CAPS2: variants seen among roughly 807,000 people sequenced by gnomAD.
The protein encoded by CAPS2 is calcyphosin-2.
A neutral mutation model predicts 86.5 loss-of-function variants in CAPS2; 98 were observed. The ratio of observed to expected loss-of-function variants is 1.13; its 90% CI spans 0.96 to 1.34. The LOEUF is 1.34. CAPS2 is among the 40% of genes most tolerant of loss of function. The pLI, the probability that CAPS2 is intolerant of heterozygous loss-of-function variation, is 0.00. For missense variants in CAPS2, 729 were observed against 686.8 expected, an observed-to-expected ratio of 1.06 and a Z score of -0.69; for synonymous variants, 210 against 225.1, an observed-to-expected ratio of 0.93 and a Z score of 0.60.
At chr12:75,336,862 T>C (rs1191012399) in intron 1 of CAPS2, among the ~76,000 whole-genome samples, 1 of 151,742 alleles carries the variant, frequency 6.6e-6, no homozygotes, top group Non-Finnish European at 1.5e-5. Context: ...ATATAAACAA[T>C]ATGCTGAACC....
At chr12:75,374,354 A>T (rs1457592942) in intron 1 of CAPS2, among the ~76,000 whole-genome samples, 2 of 152,192 alleles carry the variant, frequency 1.3e-5, no homozygotes, top group Non-Finnish European at 2.9e-5. Context: ...CCAAAATCCA[A>T]ATAGGCCCTC....
intron 1 of CAPS2, among the ~76,000 whole-genome samples, chr12:75,389,901 C>T (rs2045488748): frequency 1.3e-5 from 2 of 152,166 alleles, no homozygotes; most frequent in South Asian, 4.1e-4. Flanking sequence ...TTCTCAATCA[C>T]TTAAAACTTA....
chr12:75,276,160 A>G, downstream of CAPS2: 5 of 1,507,534 alleles, frequency 3.3e-6, no homozygotes, highest in Non-Finnish European at 3.5e-6. Context: ...TGCTTGGCTT[A>G]TTTTATATAT....
chr12:75,318,152 G>C (rs2039961481), intron 5 of CAPS2: 1 of 152,026 alleles, frequency 6.6e-6, no homozygotes, highest in Non-Finnish European at 1.5e-5. Context: ...GTCATTCTCG[G>C]TCTTCCCTTT....
intron 7 of CAPS2, chr12:75,305,608 G>A (rs1234058455): frequency 9.8e-6 from 6 of 610,360 alleles, no homozygotes; most frequent in African/African-American, 9.1e-5. Flanking sequence ...CCCAGGCCCC[G>A]AGCGACCGGA....
At chr12:75,323,999 T>G (rs1024142536) in intron 2 of CAPS2, among the ~76,000 whole-genome samples, 1 of 152,232 alleles carries the variant, frequency 6.6e-6, no homozygotes, top group Non-Finnish European at 1.5e-5. Flanking sequence ...AATATTTGGT[T>G]CATTTCTGAA....
intron 9 of CAPS2, 25 bp from the exon 10 acceptor site, chr12:75,298,991 C>T: frequency 7.0e-7 from 1 of 1,421,876 alleles, no homozygotes; most frequent in Non-Finnish European, 9.7e-7. Context: ...TGAAATCAAA[C>T]ATCTTCAAAT....
At chr12:75,353,423 T>C (rs771139538) in intron 1 of CAPS2, among the ~76,000 whole-genome samples, 1 of 152,036 alleles carries the variant, frequency 6.6e-6, no homozygotes, top group South Asian at 2.1e-4. Flanking sequence ...TGTAAACATA[T>C]GCCCTCCCAA....
At chr12:75,299,952 C>G (rs754678901) in intron 8 of CAPS2, 41 bp from the exon 9 acceptor site, 3 of 800,344 alleles carry the variant, frequency 3.7e-6, no homozygotes. Flanking sequence ...TTCAAGATAC[C>G]TATAACTTGA....
chr12:75,385,633 G>T (rs2045252915), intron 1 of CAPS2, among the ~76,000 whole-genome samples: 1 of 151,974 alleles, frequency 6.6e-6, no homozygotes, highest in Admixed American at 6.6e-5. Flanking sequence ...GAAAATAAAA[G>T]GTTTATAGAT....
intron 7 of CAPS2, among the ~76,000 whole-genome samples, chr12:75,308,020 C>T (rs948367795): frequency 6.6e-6 from 1 of 152,160 alleles, no homozygotes; most frequent in African/African-American, 2.4e-5. Flanking sequence ...CAACCACCCC[C>T]TTTTCCTGTG....
chr12:75,277,426 A>C (rs1302672831), exon 17 of CAPS2: 1 of 961,914 alleles, frequency 1.0e-6, no homozygotes, highest in Admixed American at 6.2e-5. Flanking sequence ...AAATTTTTCC[A>C]AGAAAAAGAT....
chr12:75,300,221 A>C (rs1351092493), intron 8 of CAPS2, among the ~76,000 whole-genome samples: 1 of 152,082 alleles, frequency 6.6e-6, no homozygotes, highest in Admixed American at 6.6e-5. Flanking sequence ...TCTGAATGCC[A>C]TTTCTAACCC....
intron 1 of CAPS2, among the ~76,000 whole-genome samples, chr12:75,354,790 CA>C (rs568865773): frequency 1.5e-3 from 223 of 152,198 alleles, no homozygotes; most frequent in African/African-American, 5.0e-3. Flanking sequence ...ACACACAGAC[CA>C]ATGGAACAGA....
At chr12:75,312,282 A>ACATC (rs2039315457) in intron 7 of CAPS2, among the ~76,000 whole-genome samples, 1 of 152,206 alleles carries the variant, frequency 6.6e-6, no homozygotes, top group South Asian at 2.1e-4. Flanking sequence ...GTGATACTTG[A>ACATC]CATCACTTGC....
At chr12:75,285,058 A>T in exon 15 of CAPS2, 1 of 1,611,034 alleles carries the variant, frequency 6.2e-7, no homozygotes, top group Non-Finnish European at 8.5e-7. Context: ...GTCATTCAGA[A>T]TTAGCCATGC....
At chr12:75,289,672 C>T in exon 14 of CAPS2, 1 of 1,613,334 alleles carries the variant, frequency 6.2e-7, no homozygotes, top group Non-Finnish European at 8.5e-7. Context: ...TAAAATCTGC[C>T]TTATCTAAAA....
intron 14 of CAPS2, among the ~76,000 whole-genome samples, chr12:75,286,066 G>C (rs2034818290): frequency 1.3e-5 from 2 of 151,908 alleles, no homozygotes; most frequent in Admixed American, 1.3e-4. Context: ...TCAAACTCAA[G>C]TAAATATATT....
intron 1 of CAPS2, among the ~76,000 whole-genome samples, chr12:75,388,784 G>A (rs905426621): frequency 1.3e-5 from 2 of 152,066 alleles, no homozygotes; most frequent in African/African-American, 4.8e-5. Flanking sequence ...TATACACTAT[G>A]AACTCTGGGT....
Sources: gnomAD v4.1 joint callset for allele counts (sites outside exome capture counted in the v4.1 genomes callset) on GRCh38, gnomAD v4.1.1 for gene constraint, MANE v1.5 for transcripts, NCBI Gene and HGNC (gene_info 2026-07-23, HGNC 2026-07-21) for gene names.